The following SRGAP3 variants were observed in gnomAD, a reference collection of about 807,000 sequenced individuals.
The protein encoded by SRGAP3 is SLIT-ROBO Rho GTPase activating protein 3, also known as SLIT-ROBO Rho GTPase-activating protein 3.
A neutral mutation model predicts 121.1 loss-of-function variants in SRGAP3; 39 were observed. That is an observed-to-expected ratio of 0.32 (90% confidence interval 0.25 to 0.42). SRGAP3 has a LOEUF of 0.42. Ranked by LOEUF, SRGAP3 falls within the 10% of genes least tolerant of loss-of-function variation. SRGAP3 has a pLI of 1.00. For missense variants in SRGAP3, 1,213 were observed against 1,470.6 expected, an observed-to-expected ratio of 0.82 and a Z score of 2.86; for synonymous variants, 601 against 570.0, an observed-to-expected ratio of 1.05 and a Z score of -0.77.
At chr3:9,130,434 T>TTATATAA in intron 1 of SRGAP3, among the ~76,000 whole-genome samples, 1 of 152,284 alleles carries the variant, frequency 6.6e-6, no homozygotes, top group Non-Finnish European at 1.5e-5. Flanking sequence ...CAACACACAG[T>TTATATAA]CATAAAAATA....
intron 5 of SRGAP3, among the ~76,000 whole-genome samples, chr3:9,063,853 A>G (rs1246271285): frequency 6.6e-6 from 1 of 152,106 alleles, no homozygotes; most frequent in Non-Finnish European, 1.5e-5. Flanking sequence ...ACACCCTACT[A>G]AAGGACTTTT....
At chr3:9,055,611 T>G (rs766323758) in intron 8 of SRGAP3, among the ~76,000 whole-genome samples, 1 of 152,212 alleles carries the variant, frequency 6.6e-6, no homozygotes, top group African/African-American at 2.4e-5. Context: ...TCAGAATCCA[T>G]GACAAATTTA....
intron 1 of SRGAP3, among the ~76,000 whole-genome samples, chr3:9,355,355 GT>G: frequency 6.6e-6 from 1 of 152,308 alleles, no homozygotes; most frequent in Middle Eastern, 3.4e-3. Context: ...AGCAGCCAGA[GT>G]GATTGTCTGT....
chr3:9,046,296 C>G (rs1350177508), intron 10 of SRGAP3, among the ~76,000 whole-genome samples: 2 of 152,220 alleles, frequency 1.3e-5, no homozygotes, highest in African/African-American at 4.8e-5. Context: ...GGGGTGCTGA[C>G]TGCAAAGGAG....
intron 21 of SRGAP3, among the ~76,000 whole-genome samples, chr3:8,990,103 G>A (rs1218639649): frequency 6.6e-6 from 1 of 152,228 alleles, no homozygotes; most frequent in East Asian, 1.9e-4. Context: ...TTGGTGGCTA[G>A]CATGGTGACG....
At chr3:9,075,441 A>G (rs1946929825) in intron 4 of SRGAP3, among the ~76,000 whole-genome samples, 1 of 152,154 alleles carries the variant, frequency 6.6e-6, no homozygotes, top group African/African-American at 2.4e-5. Context: ...TTTAAAGAGG[A>G]GGGTGCCTCA....
rs1396827880 is a variant in SRGAP3, at chr3:8,981,158, C to G, written c.*4361G>C. The G allele has an allele frequency of 1.3e-5, 3 of 233,074 alleles. No individual in the cohort carries two copies. The highest frequency in any genetic ancestry group is 2.5e-5 in the Non-Finnish European group (3 of 118,014). The allele number at this position is 233,074 out of a possible 1,614,324, so 14.4% of individuals were successfully genotyped here. On this transcript the variant is annotated 3_prime_UTR_variant, in exon 22 of 22. Coordinates refer to ENST00000383836, the MANE Select transcript of SRGAP3 (RefSeq NM_014850.4). ...TGGACCTGACAGCAAAGTCCCTTCT[C>G]TCGGCTCCCCTGGGCAGCTTTGGAT... is the stretch of plus-strand genomic sequence containing the variant.
At chr3:9,104,982 G>A in intron 2 of SRGAP3, 140 bp from the exon 3 acceptor site, 1 of 1,056,168 alleles carries the variant, frequency 9.5e-7, no homozygotes, top group South Asian at 1.4e-5. Flanking sequence ...TATACAGTTG[G>A]GGAAACAGGC....
chr3:9,113,240 C>T (rs942179352), intron 2 of SRGAP3, among the ~76,000 whole-genome samples: 9 of 152,270 alleles, frequency 5.9e-5, no homozygotes, highest in East Asian at 5.8e-4. Context: ...GCTGGAAGTC[C>T]GAGATCAAGG....
At chr3:9,088,495 C>T (rs73015468) in intron 3 of SRGAP3, among the ~76,000 whole-genome samples, 7,606 of 152,224 alleles carry the variant, frequency 0.05, 288 homozygotes, top group Non-Finnish European at 0.078. Flanking sequence ...CATTCTCTGT[C>T]CTGTGTATAG....
At chr3:9,316,588 A>G (rs1028366919) in intron 3 of SRGAP3, among the ~76,000 whole-genome samples, 4 of 152,048 alleles carry the variant, frequency 2.6e-5, no homozygotes, top group African/African-American at 9.7e-5. Context: ...TGAACCCAGG[A>G]GGCGGAGGTT....
chr3:9,356,485 G>A (rs998752792), intron 1 of SRGAP3, among the ~76,000 whole-genome samples: 9 of 145,408 alleles, frequency 6.2e-5, no homozygotes, highest in Non-Finnish European at 1.2e-4. Flanking sequence ...CCATCCTCCT[G>A]CCTCAGCCTC....
chr3:9,078,718 G>A (rs771743774), intron 4 of SRGAP3, among the ~76,000 whole-genome samples: 7 of 152,154 alleles, frequency 4.6e-5, no homozygotes, highest in Non-Finnish European at 1.0e-4. Flanking sequence ...CCAGCAGGCT[G>A]TTCTGCCCCC....
At chr3:9,209,340 T>C (rs577930098) in intron 1 of SRGAP3, among the ~76,000 whole-genome samples, 1 of 152,352 alleles carries the variant, frequency 6.6e-6, no homozygotes, top group East Asian at 1.9e-4. Flanking sequence ...TCCTAAAATA[T>C]AGTTATTTCA....
At chr3:9,170,984 G>A (rs965050204) in intron 1 of SRGAP3, among the ~76,000 whole-genome samples, 1 of 152,238 alleles carries the variant, frequency 6.6e-6, no homozygotes, top group Non-Finnish European at 1.5e-5. Flanking sequence ...GCAGGACAGC[G>A]CACGCATCTG....
intron 6 of SRGAP3, chr3:9,059,217 A>G (rs1226472371): frequency 1.3e-5 from 2 of 152,286 alleles, no homozygotes; most frequent in East Asian, 1.9e-4. Flanking sequence ...TCACCTATCA[A>G]CATGTCCTTG....
chr3:9,057,896 G>A (rs1200157350), intron 7 of SRGAP3, among the ~76,000 whole-genome samples: 4 of 152,226 alleles, frequency 2.6e-5, no homozygotes, highest in African/African-American at 9.6e-5. Flanking sequence ...GCACCAGCCT[G>A]AATGGCTGTG....
At chr3:9,069,933 C>T (rs995481146) in intron 4 of SRGAP3, among the ~76,000 whole-genome samples, 2 of 151,828 alleles carry the variant, frequency 1.3e-5, no homozygotes, top group African/African-American at 2.4e-5. Context: ...GGCGACAGAG[C>T]GAGACTCCAT....
chr3:9,277,625 A>T (rs1337309987), intron 3 of SRGAP3, among the ~76,000 whole-genome samples: 1 of 149,990 alleles, frequency 6.7e-6, no homozygotes, highest in Non-Finnish European at 1.5e-5. Flanking sequence ...AAAAAAAAAA[A>T]AAAAATTAGC....
Sources: allele counts gnomAD v4.1 joint callset (sites outside exome capture counted in the v4.1 genomes callset), GRCh38; gene constraint gnomAD v4.1.1; transcripts MANE v1.5; gene names NCBI Gene and HGNC (gene_info 2026-07-23, HGNC 2026-07-21).